NACC2: variants seen among roughly 807,000 people sequenced by gnomAD.
The protein encoded by NACC2 is NACC family member 2.
NACC2 carries 8 observed loss-of-function variants against 25.1 expected under a neutral mutation model. The ratio of observed to expected loss-of-function variants is 0.32; its 90% CI spans 0.19 to 0.57. The LOEUF is 0.57. Among genes scored for constraint, NACC2 ranks in the 20% least tolerant of loss-of-function variants. The pLI is 0.89. For missense variants in NACC2, 644 were observed against 650.2 expected (o/e 0.99, Z 0.10); for synonymous variants, 435 against 294.7 (o/e 1.48, Z -4.88).
intron 1 of NACC2, among the ~76,000 whole-genome samples, chr9:136,082,457 C>T (rs1167004427): frequency 2.6e-5 from 4 of 152,234 alleles, no homozygotes; most frequent in African/African-American, 7.2e-5. Context: ...GATGGTGGCC[C>T]TCACCTGTGA....
intron 1 of NACC2, among the ~76,000 whole-genome samples, chr9:136,054,283 G>A (rs1840890713): frequency 1.3e-5 from 2 of 152,178 alleles, no homozygotes; most frequent in African/African-American, 4.8e-5. Flanking sequence ...CCCAGAGAAG[G>A]GACCATTATT....
intron 5 of NACC2, among the ~76,000 whole-genome samples, chr9:136,012,602 C>G (rs988402238): frequency 7.2e-5 from 11 of 152,130 alleles, no homozygotes; most frequent in Non-Finnish European, 1.6e-4. Context: ...GACTGTAATT[C>G]CTGGCTGCAA....
chr9:136,015,826 T>C (rs1266601920), intron 3 of NACC2, among the ~76,000 whole-genome samples: 1 of 152,120 alleles, frequency 6.6e-6, no homozygotes, highest in African/African-American at 2.4e-5. Context: ...AAAAGGTAAA[T>C]TCCTGAGCGA....
chr9:136,013,404 T>A lies in NACC2; in HGVS notation c.1158-108A>T. 1.0e-6 allele frequency: 1 copy of A among 979,786 alleles called. No individual in the cohort carries two copies. The highest frequency in any genetic ancestry group is 1.5e-6 in the Non-Finnish European group (1 of 645,194). 60.7% of individuals were successfully genotyped at this position (979,786 alleles called of 1,614,324 possible). ...CTGGGAGGCCACTTGGCCTCACCCT[T>A]GGCTGGTCTGCGTGTGTCCCAGTGG... On this transcript the variant is annotated intron_variant, in intron 4 of 5. Transcript: ENST00000277554. The surrounding 1 kb of genome is among the most constrained non-coding windows in gnomAD (Gnocchi z 6.6).
chr9:136,053,627 G>C (rs1840881368), intron 1 of NACC2, among the ~76,000 whole-genome samples: 1 of 152,210 alleles, frequency 6.6e-6, no homozygotes, highest in South Asian at 2.1e-4. Context: ...GTACAAGAGA[G>C]GGGCCTGTGC....
intron 1 of NACC2, among the ~76,000 whole-genome samples, chr9:136,082,632 C>T (rs1002323210): frequency 5.3e-5 from 8 of 150,774 alleles, no homozygotes; most frequent in East Asian, 3.9e-4. Context: ...ACCCTCCACC[C>T]GCCAGGCCCG....
intron 1 of NACC2, among the ~76,000 whole-genome samples, chr9:136,062,576 A>G (rs567881947): frequency 4.6e-5 from 7 of 152,274 alleles, no homozygotes; most frequent in Non-Finnish European, 8.8e-5. Flanking sequence ...TTAAATACAT[A>G]ATACCTGTTC....
chr9:136,066,333 T>C (rs1191718317), intron 1 of NACC2, among the ~76,000 whole-genome samples: 1 of 152,008 alleles, frequency 6.6e-6, no homozygotes, highest in East Asian at 1.9e-4. Context: ...AATTTAAAAA[T>C]AGGCAAGGCA....
intron 1 of NACC2, among the ~76,000 whole-genome samples, chr9:136,062,114 A>ACAGGGCAAGACAG (rs1841019217): frequency 7.0e-6 from 1 of 142,450 alleles, no homozygotes; most frequent in African/African-American, 2.7e-5. Context: ...CAACAGAGCG[A>ACAGGGCAAGACAG]GACAGGACAG....
At position 136,022,332 on chromosome 9, in the gene NACC2, C is replaced by G. The variant is rs1017674085; in HGVS notation, c.887-5903G>C. On this transcript the variant is annotated intron_variant, in intron 2 of 5. Coordinates refer to ENST00000277554, the MANE Select transcript of NACC2 (RefSeq NM_144653.5). The surrounding 1 kb of genome is among the most constrained non-coding windows in gnomAD (Gnocchi z 4.4). ...CCACACTCTCCACATGGGGCTGTGTCCCACCCCCGAAAGCACACAGGTGTG... is the reference window on the plus strand; with the variant it reads ...CCACACTCTCCACATGGGGCTGTGTGCCACCCCCGAAAGCACACAGGTGTG... 6.6e-6 allele frequency among the ~76,000 whole-genome samples: 1 copy of G among 152,176 alleles called. No individual in the cohort carries two copies. The highest frequency in any genetic ancestry group is 2.1e-4 in the South Asian group (1 of 4,838).
chr9:136,053,001 C>T (rs1840870633), intron 1 of NACC2, among the ~76,000 whole-genome samples: 1 of 152,240 alleles, frequency 6.6e-6, no homozygotes, highest in Non-Finnish European at 1.5e-5. Context: ...TGGCTGTGAC[C>T]CCCAGGAAGA....
chr9:136,092,237 C>T (rs374817927), intron 1 of NACC2, among the ~76,000 whole-genome samples: 2 of 152,156 alleles, frequency 1.3e-5, no homozygotes, highest in African/African-American at 2.4e-5. Flanking sequence ...GAGGGCACTT[C>T]GGGGAAGGCC....
At chr9:136,091,119 C>A (rs546780025) in intron 1 of NACC2, among the ~76,000 whole-genome samples, 1 of 152,326 alleles carries the variant, frequency 6.6e-6, no homozygotes, top group Non-Finnish European at 1.5e-5. Flanking sequence ...GAAAAGCCTG[C>A]CTCTTGTTCT....
intron 1 of NACC2, among the ~76,000 whole-genome samples, chr9:136,051,936 GAGGGC>G (rs1840850767): frequency 6.6e-6 from 1 of 151,896 alleles, no homozygotes; most frequent in Non-Finnish European, 1.5e-5. Context: ...GGAGGAGGAG[GAGGGC>G]AGAGCGCCTG....
At chr9:136,054,601 C>T (rs975494070) in intron 1 of NACC2, among the ~76,000 whole-genome samples, 1 of 152,210 alleles carries the variant, frequency 6.6e-6, no homozygotes, top group East Asian at 1.9e-4. Flanking sequence ...GGCCCAGGGA[C>T]GTGAGCAGAG....
chr9:136,061,056 C>T (rs760766016), intron 1 of NACC2, among the ~76,000 whole-genome samples: 9 of 152,182 alleles, frequency 5.9e-5, no homozygotes, highest in Non-Finnish European at 1.2e-4. Context: ...CATACTGGAA[C>T]GGACGGACGC....
chr9:136,075,014 A>T (rs1457960579), intron 1 of NACC2, among the ~76,000 whole-genome samples: 20 of 152,196 alleles, frequency 1.3e-4, no homozygotes, highest in Admixed American at 1.2e-3. Flanking sequence ...GATCCTCACG[A>T]AACAGTGACG....
chr9:136,025,327 T>C (rs1840372325), intron 2 of NACC2, among the ~76,000 whole-genome samples: 1 of 152,130 alleles, frequency 6.6e-6, no homozygotes, highest in African/African-American at 2.4e-5. Flanking sequence ...TTTCACACGA[T>C]GTCCGGCCGT....
chr9:136,072,758 G>A (rs1399194389), intron 1 of NACC2, among the ~76,000 whole-genome samples: 2 of 152,122 alleles, frequency 1.3e-5, no homozygotes, highest in Non-Finnish European at 2.9e-5. Flanking sequence ...GCTGAGGCAG[G>A]AGAACCACTT....
Sources: gnomAD v4.1 joint callset for allele counts (sites outside exome capture counted in the v4.1 genomes callset) on GRCh38, gnomAD v4.1.1 for gene constraint, Gnocchi (gnomAD v3.1) non-coding constraint, MANE v1.5 for transcripts, NCBI Gene and HGNC (gene_info 2026-07-23, HGNC 2026-07-21) for gene names.